The following PAX3 variants were observed in gnomAD, a reference collection of about 807,000 sequenced individuals.
PAX3 encodes paired box protein Pax-3.
PAX3 carries 14 observed loss-of-function variants against 51.6 expected under a neutral mutation model. That is an observed-to-expected ratio of 0.27 (90% CI 0.18 to 0.42). PAX3 has a LOEUF of 0.42. Among genes scored for constraint, PAX3 ranks in the 10% least tolerant of loss-of-function variants. The pLI is 1.00. For synonymous variants in PAX3, 280 were observed against 253.4 expected (o/e 1.11, Z -1.00); for missense variants, 540 against 642.8 (o/e 0.84, Z 1.73).
chr2:222,233,174 T>C (rs1020360661), intron 4 of PAX3: 1 of 139,606 alleles, frequency 7.2e-6, no homozygotes, highest in African/African-American at 2.7e-5. Context: ...ATTAACCCAA[T>C]CCCAGGGCCT....
intron 5 of PAX3, among the ~76,000 whole-genome samples, chr2:222,229,082 T>C (rs1692487290): frequency 6.6e-6 from 1 of 152,020 alleles, no homozygotes; most frequent in African/African-American, 2.4e-5. Flanking sequence ...TGCAGGTAAT[T>C]GCAGAACTAT....
intron 4 of PAX3, among the ~76,000 whole-genome samples, chr2:222,283,201 G>A (rs556755180): frequency 3.9e-5 from 6 of 152,302 alleles, no homozygotes; most frequent in East Asian, 1.9e-4. Flanking sequence ...GGAGTACTAT[G>A]CAGCTATACA....
chr2:222,223,695 A>T (rs1692283204), intron 5 of PAX3, among the ~76,000 whole-genome samples: 1 of 152,228 alleles, frequency 6.6e-6, no homozygotes, highest in East Asian at 1.9e-4. Context: ...TAGACCAGCG[A>T]TGTACAGTGC....
intron 4 of PAX3, among the ~76,000 whole-genome samples, chr2:222,248,631 A>G (rs1398444263): frequency 1.3e-5 from 2 of 152,216 alleles, no homozygotes; most frequent in African/African-American, 2.4e-5. Flanking sequence ...TCCCAGCAGT[A>G]CTTTTTCATT....
chr2:222,202,745 G>T (rs1691349913), intron 7 of PAX3, among the ~76,000 whole-genome samples: 1 of 149,424 alleles, frequency 6.7e-6, no homozygotes, highest in African/African-American at 2.5e-5. Flanking sequence ...CCTTATCTTG[G>T]CCATTCTTTG....
At chr2:222,228,456 T>G (rs1381701585) in intron 5 of PAX3, among the ~76,000 whole-genome samples, 1 of 152,188 alleles carries the variant, frequency 6.6e-6, no homozygotes, top group African/African-American at 2.4e-5. Flanking sequence ...GAATGCTGGG[T>G]GCTGTACAAG....
intron 5 of PAX3, among the ~76,000 whole-genome samples, chr2:222,228,155 T>C (rs1692453829): frequency 6.6e-6 from 1 of 152,142 alleles, no homozygotes; most frequent in Non-Finnish European, 1.5e-5. Context: ...TCCTGCTGGG[T>C]TAAGTAAAAG....
intron 8 of PAX3, 188 bp downstream of exon 8, chr2:222,201,756 G>A: frequency 6.8e-7 from 1 of 1,477,378 alleles, no homozygotes; most frequent in Non-Finnish European, 8.9e-7. Context: ...AGATGTTGTT[G>A]ACATCAGTTA....
At chr2:222,248,140 T>G (rs1323578469) in intron 4 of PAX3, among the ~76,000 whole-genome samples, 1 of 152,182 alleles carries the variant, frequency 6.6e-6, no homozygotes, top group Non-Finnish European at 1.5e-5. Context: ...ACCAATTTTA[T>G]AAGAAATAAT....
chr2:222,249,927 T>C (rs1693364011), intron 4 of PAX3, among the ~76,000 whole-genome samples: 1 of 152,184 alleles, frequency 6.6e-6, no homozygotes, highest in Non-Finnish European at 1.5e-5. Flanking sequence ...CTAGAGTCTT[T>C]GATAGGAGAA....
chr2:222,221,609 A>G, intron 5 of PAX3: 1 of 514,162 alleles, frequency 1.9e-6, no homozygotes, highest in Non-Finnish European at 3.5e-6. Flanking sequence ...ATGATCTTGC[A>G]ACAACAGCCC....
chr2:222,216,573 C>A (rs1299597780), intron 7 of PAX3, among the ~76,000 whole-genome samples: 1 of 152,140 alleles, frequency 6.6e-6, no homozygotes, highest in Non-Finnish European at 1.5e-5. Context: ...GAAGCTGAGA[C>A]CTTCTCTGAG....
intron 4 of PAX3, among the ~76,000 whole-genome samples, chr2:222,239,837 T>C (rs1448899393): frequency 6.8e-6 from 1 of 146,192 alleles, no homozygotes; most frequent in Non-Finnish European, 1.5e-5. Flanking sequence ...AAAAAAAAAA[T>C]AGAATTTTTG....
chr2:222,295,811 T>G (rs1186043887), intron 2 of PAX3, among the ~76,000 whole-genome samples, 154 bp from the exon 3 acceptor site: 1 of 152,172 alleles, frequency 6.6e-6, no homozygotes, highest in Non-Finnish European at 1.5e-5. Flanking sequence ...TCTGAGGCAC[T>G]TTAGAAAGGG....
rs76741525 is a variant in PAX3 at position 222,235,366 on chromosome 2, G to C, written c.587-3083C>G. Among the ~76,000 whole-genome samples the C allele has an allele frequency of 2.9e-3, 439 of 152,222 alleles. 1 individual carries two copies. Among genetic ancestry groups the C allele is most frequent in the Admixed American group, 5.2e-3 (79 of 15,288 alleles). On this transcript the variant is annotated intron_variant, in intron 4 of 8. Coordinates refer to ENST00000392070, the MANE Select transcript of PAX3 (RefSeq NM_181458.4). ...AATGCCAAGTGTGGGGCAAATTTCA[G>C]ATTTGCTCCAACACTGATTTATTTG...
intron 7 of PAX3, among the ~76,000 whole-genome samples, chr2:222,206,630 G>A (rs1309348914): frequency 2.0e-5 from 3 of 152,062 alleles, no homozygotes; most frequent in African/African-American, 4.8e-5. Context: ...TTTATATCTT[G>A]ATTGGAAGAT....
In PAX3 at chr2:222,216,201, T is replaced by A. The variant is rs557584620; in HGVS notation, c.1173+3939A>T. ...TGACCAGCCACTAAAATGTGTAATTTGTGTTCATAGAAGAACTAGTAAGAA... is the reference window on the plus strand; with the variant it reads ...TGACCAGCCACTAAAATGTGTAATTAGTGTTCATAGAAGAACTAGTAAGAA... On this transcript the variant is annotated intron_variant, in intron 7 of 8. Transcript: ENST00000392070. Among the ~76,000 whole-genome samples the A allele has an allele frequency of 3.3e-5, 5 of 152,302 alleles. No individual in the cohort carries two copies. The East Asian group carries it at 9.6e-4, about 29-fold the overall frequency.
At chr2:222,290,952 G>A (rs578138343) in intron 4 of PAX3, among the ~76,000 whole-genome samples, 74 of 152,020 alleles carry the variant, frequency 4.9e-4, no homozygotes, top group African/African-American at 1.7e-3. Context: ...AGAAGAAGGG[G>A]GGAGGCGGGC....
At chr2:222,266,654 A>G (rs16863593) in intron 4 of PAX3, among the ~76,000 whole-genome samples, 19,846 of 152,252 alleles carry the variant, frequency 0.13, 1,493 homozygotes, top group South Asian at 0.27. Flanking sequence ...TAGCTTTACA[A>G]TTAGTACATT....
Sources: gnomAD v4.1 joint callset for allele counts (sites outside exome capture counted in the v4.1 genomes callset) on GRCh38, gnomAD v4.1.1 for gene constraint, MANE v1.5 for transcripts, NCBI Gene and HGNC (gene_info 2026-07-23, HGNC 2026-07-21) for gene names.